HTR2C: variants seen among roughly 807,000 people sequenced by gnomAD.
The protein encoded by HTR2C is 5-hydroxytryptamine (serotonin) receptor 2C, G protein-coupled.
Under a neutral mutation model 21.0 loss-of-function variants are expected in HTR2C, and 5 were observed. That is an observed-to-expected ratio of 0.24 (90% CI 0.12 to 0.50). The LOEUF is 0.50. Among genes scored for constraint, HTR2C ranks in the 20% least tolerant of loss-of-function variants. The pLI, the probability that HTR2C is intolerant of heterozygous loss-of-function variation, is 0.98. For missense variants in HTR2C, 271 were observed against 371.2 expected, an observed-to-expected ratio of 0.73 and a Z score of 2.22; for synonymous variants, 150 against 145.3, an observed-to-expected ratio of 1.03 and a Z score of -0.23.
At chrX:114,892,898 ATTTATTTTTATT>A (rs1268247284) in intron 5 of HTR2C, among the ~76,000 whole-genome samples, 3 of 107,845 alleles carry the variant, frequency 2.8e-5, no homozygotes, top group Admixed American at 2.0e-4. Flanking sequence ...TGATTTTATT[ATTTATTTTTATT>A]TTTATTTTTA....
chrX:114,767,255 AG>A (rs2069955648), intron 4 of HTR2C, among the ~76,000 whole-genome samples: 1 of 110,930 alleles, frequency 9.0e-6, no homozygotes, highest in Non-Finnish European at 1.9e-5. Flanking sequence ...GAGTATTCTG[AG>A]TTCGTACTTA....
intron 5 of HTR2C, among the ~76,000 whole-genome samples, chrX:114,859,801 T>C (rs1569500557): frequency 9.0e-6 from 1 of 111,702 alleles, no homozygotes; most frequent in Non-Finnish European, 1.9e-5. Flanking sequence ...ACTTGATTTC[T>C]AATATACACA....
At chrX:114,694,486 T>TACAC (rs1482690948) in intron 2 of HTR2C, among the ~76,000 whole-genome samples, 1 of 11,627 alleles carries the variant, frequency 8.6e-5, no homozygotes, top group African/African-American at 2.7e-4. Context: ...TATATATATA[T>TACAC]ATATATACAC....
At chrX:114,657,426 G>A (rs1172760721) in intron 2 of HTR2C, among the ~76,000 whole-genome samples, 1 of 110,999 alleles carries the variant, frequency 9.0e-6, no homozygotes, top group East Asian at 2.8e-4. Flanking sequence ...ATAATAATAT[G>A]TATGAAAATT....
intron 4 of HTR2C, among the ~76,000 whole-genome samples, chrX:114,779,235 A>G (rs957665274): frequency 9.0e-6 from 1 of 111,576 alleles, no homozygotes; most frequent in African/African-American, 3.3e-5. Flanking sequence ...AATATTTGAC[A>G]TATTCATAAT....
At chrX:114,708,136 T>C (rs1464105661) in intron 2 of HTR2C, among the ~76,000 whole-genome samples, 1 of 111,519 alleles carries the variant, frequency 9.0e-6, no homozygotes, top group Non-Finnish European at 1.9e-5. Context: ...CTGAACATAA[T>C]CTCAAAATAA....
intron 2 of HTR2C, among the ~76,000 whole-genome samples, chrX:114,705,341 T>G (rs1556417797): frequency 9.0e-6 from 1 of 111,330 alleles, no homozygotes. Context: ...AACAACATGG[T>G]ACTGGCACCA....
chrX:114,708,589 A>T (rs782387901), intron 2 of HTR2C, among the ~76,000 whole-genome samples: 10 of 111,185 alleles, frequency 9.0e-5, no homozygotes, highest in Non-Finnish European at 1.7e-4. Flanking sequence ...GGCTTGCTTG[A>T]GGCCAGGAGT....
At chrX:114,762,395 CAT>C (rs1347413161) in intron 4 of HTR2C, among the ~76,000 whole-genome samples, 2 of 111,251 alleles carry the variant, frequency 1.8e-5, no homozygotes, top group African/African-American at 6.5e-5. Flanking sequence ...GTTCTCAAAA[CAT>C]ATACAGTTTA....
chrX:114,794,664 A>G (rs1282527333), intron 4 of HTR2C, among the ~76,000 whole-genome samples: 6 of 107,137 alleles, frequency 5.6e-5, no homozygotes, highest in African/African-American at 1.0e-4. Context: ...GCTCAGAATG[A>G]TGGTTTCCAG....
intron 4 of HTR2C, among the ~76,000 whole-genome samples, chrX:114,831,664 T>C (rs1249990607): frequency 9.2e-6 from 1 of 108,443 alleles, no homozygotes; most frequent in Non-Finnish European, 1.9e-5. Context: ...TTCACTCTGA[T>C]GGTAGTTTCT....
intron 2 of HTR2C, chrX:114,652,758 G>T (rs782192811): frequency 2.8e-6 from 1 of 353,157 alleles, no homozygotes; most frequent in East Asian, 8.0e-5. Flanking sequence ...CAGACCTTAT[G>T]ATCTAGTATG....
intron 2 of HTR2C, among the ~76,000 whole-genome samples, chrX:114,700,865 G>A (rs941527350): frequency 2.9e-4 from 33 of 112,460 alleles, no homozygotes; most frequent in Non-Finnish European, 5.1e-4. Context: ...CCAATACTGC[G>A]CTTTTCCGAC....
intron 5 of HTR2C, among the ~76,000 whole-genome samples, chrX:114,856,385 G>A (rs1307764489): frequency 3.0e-5 from 3 of 100,286 alleles, no homozygotes; most frequent in Admixed American, 1.1e-4. Context: ...TCGTGAAAAT[G>A]GCCATACTGC....
chrX:114,721,654 T>G (rs1933221110), intron 2 of HTR2C, among the ~76,000 whole-genome samples: 1 of 109,811 alleles, frequency 9.1e-6, no homozygotes, highest in Non-Finnish European at 1.9e-5. Context: ...GTTTTAGGTC[T>G]AATGTTTAAA....
At chrX:114,712,465 A>C (rs782277869) in intron 2 of HTR2C, among the ~76,000 whole-genome samples, 1 of 112,096 alleles carries the variant, frequency 8.9e-6, no homozygotes, top group Non-Finnish European at 1.9e-5. Flanking sequence ...GATGGAACTA[A>C]TTTTGAATTT....
At chrX:114,682,742 C>A (rs1173383057) in intron 2 of HTR2C, among the ~76,000 whole-genome samples, 1 of 110,900 alleles carries the variant, frequency 9.0e-6, no homozygotes, top group Non-Finnish European at 1.9e-5. Flanking sequence ...TTCCTTCCCT[C>A]CATCCCTAAT....
chrX:114,814,928 CAT>C (rs2070570257), intron 4 of HTR2C, among the ~76,000 whole-genome samples: 1 of 99,739 alleles, frequency 1.0e-5, no homozygotes, highest in Non-Finnish European at 2.0e-5. Flanking sequence ...TAGTATATAT[CAT>C]ATATCATATA....
At chrX:114,693,651 A>G (rs1324225331) in intron 2 of HTR2C, among the ~76,000 whole-genome samples, 1 of 111,138 alleles carries the variant, frequency 9.0e-6, no homozygotes, top group Admixed American at 9.7e-5. Context: ...TCCAATTATG[A>G]ACGGCATTAA....
Sources: gnomAD v4.1 joint callset for allele counts (sites outside exome capture counted in the v4.1 genomes callset) on GRCh38, gnomAD v4.1.1 for gene constraint, MANE v1.5 for transcripts, NCBI Gene and HGNC (gene_info 2026-07-23, HGNC 2026-07-21) for gene names.